CSMD1: variants seen among roughly 807,000 people sequenced by gnomAD.
CSMD1 encodes CUB and Sushi multiple domains 1, also known as CUB and sushi domain-containing protein 1.
CSMD1 carries 213 observed loss-of-function variants against 417.5 expected under a neutral mutation model. The ratio of observed to expected loss-of-function variants is 0.51; its 90% CI spans 0.46 to 0.57. The LOEUF is 0.57. Among genes scored for constraint, CSMD1 ranks in the 20% least tolerant of loss-of-function variants. The pLI is 0.00. For missense variants in CSMD1, 6,923 were observed against 4,529.7 expected, an observed-to-expected ratio of 1.53 and a Z score of -15.17; for synonymous variants, 2,862 against 1,736.8, an observed-to-expected ratio of 1.65 and a Z score of -16.11.
chr8:4,651,098 A>G (rs766268763), intron 1 of CSMD1, among the ~76,000 whole-genome samples: 1 of 152,200 alleles, frequency 6.6e-6, no homozygotes, highest in Non-Finnish European at 1.5e-5. Context: ...ATATAACATG[A>G]TGCCAAGCGA....
chr8:2,979,832 A>T (rs1805256276), intron 54 of CSMD1, among the ~76,000 whole-genome samples: 1 of 152,262 alleles, frequency 6.6e-6, no homozygotes, highest in Non-Finnish European at 1.5e-5. Context: ...CAAAAAAGCC[A>T]AAACAAACAA....
intron 1 of CSMD1, among the ~76,000 whole-genome samples, chr8:4,968,826 C>A (rs1425333493): frequency 6.6e-6 from 1 of 152,050 alleles, no homozygotes; most frequent in Non-Finnish European, 1.5e-5. Flanking sequence ...TGCCATTTCC[C>A]AACCAGAAGA....
intron 10 of CSMD1, among the ~76,000 whole-genome samples, chr8:3,534,332 G>C (rs1421221113): frequency 2.6e-5 from 4 of 151,982 alleles, no homozygotes; most frequent in African/African-American, 9.7e-5. Flanking sequence ...TTGGAGACCT[G>C]TTTTCCACAC....
At chr8:4,649,412 C>T (rs916011810) in intron 1 of CSMD1, among the ~76,000 whole-genome samples, 4 of 152,130 alleles carry the variant, frequency 2.6e-5, no homozygotes, top group African/African-American at 7.2e-5. Context: ...ATTATCATTC[C>T]TATTTTACTG....
chr8:4,761,284 A>G (rs1005088910), intron 1 of CSMD1, among the ~76,000 whole-genome samples: 6 of 152,116 alleles, frequency 3.9e-5, no homozygotes, highest in Admixed American at 3.9e-4. Flanking sequence ...GGTCAGTGTA[A>G]AATGCACAAG....
intron 2 of CSMD1, among the ~76,000 whole-genome samples, chr8:4,609,708 G>A (rs1801065552): frequency 6.6e-6 from 1 of 152,066 alleles, no homozygotes; most frequent in South Asian, 2.1e-4. Context: ...CAATTTTAGA[G>A]CAATTTAAAC....
chr8:3,714,491 G>A (rs1801710996), intron 6 of CSMD1, among the ~76,000 whole-genome samples: 1 of 141,402 alleles, frequency 7.1e-6, no homozygotes, highest in African/African-American at 2.6e-5. Context: ...GGGAGGCTGA[G>A]ACAGGGGATC....
chr8:4,531,666 T>C (rs1796824566), intron 2 of CSMD1, among the ~76,000 whole-genome samples: 1 of 152,172 alleles, frequency 6.6e-6, no homozygotes, highest in African/African-American at 2.4e-5. Context: ...TGTGCTTATC[T>C]AGTTTGTCAG....
chr8:3,978,120 G>C (rs527326141), intron 5 of CSMD1, among the ~76,000 whole-genome samples: 1 of 152,120 alleles, frequency 6.6e-6, no homozygotes, highest in Non-Finnish European at 1.5e-5. Flanking sequence ...ATAACAAAAC[G>C]AAAAGCAAGC....
intron 1 of CSMD1, among the ~76,000 whole-genome samples, chr8:4,817,060 A>G (rs1585149469): frequency 6.6e-6 from 1 of 152,304 alleles, no homozygotes; most frequent in East Asian, 1.9e-4. Flanking sequence ...GACATATATG[A>G]AGAACTAGAC....
At chr8:4,108,984 T>C (rs1161210369) in intron 3 of CSMD1, among the ~76,000 whole-genome samples, 2 of 152,334 alleles carry the variant, frequency 1.3e-5, no homozygotes, top group Non-Finnish European at 2.9e-5. Context: ...TTTTTCCGAA[T>C]TATCTGGAAA....
intron 7 of CSMD1, among the ~76,000 whole-genome samples, chr8:3,653,727 G>C (rs971102804): frequency 4.6e-5 from 7 of 152,188 alleles, no homozygotes; most frequent in Non-Finnish European, 1.0e-4. Context: ...GGACTCTAGT[G>C]AAGGACCGGC....
chr8:3,609,685 G>A (rs144312939), intron 8 of CSMD1, among the ~76,000 whole-genome samples: 10 of 149,480 alleles, frequency 6.7e-5, no homozygotes, highest in African/African-American at 2.2e-4. Context: ...TCTTGGCCTT[G>A]TTGGTTGTTA....
chr8:3,573,801 G>C (rs1271110131), intron 10 of CSMD1, among the ~76,000 whole-genome samples: 1 of 151,288 alleles, frequency 6.6e-6, no homozygotes, highest in Non-Finnish European at 1.5e-5. Context: ...GTGGGGTTCA[G>C]TAAATTTAAT....
At chr8:3,739,977 C>T (rs978077776) in intron 6 of CSMD1, among the ~76,000 whole-genome samples, 3 of 152,134 alleles carry the variant, frequency 2.0e-5, no homozygotes, top group Middle Eastern at 3.4e-3. Flanking sequence ...CTTCATGATC[C>T]CTATCATTAA....
chr8:4,924,662 C>T (rs1432848492), intron 1 of CSMD1, among the ~76,000 whole-genome samples: 1 of 122,648 alleles, frequency 8.2e-6, no homozygotes, highest in Admixed American at 1.2e-4. Context: ...GTGGAGGTTG[C>T]AGTGAGCCGA....
At chr8:4,962,208 G>GA (rs1809543717) in intron 1 of CSMD1, among the ~76,000 whole-genome samples, 8 of 132,314 alleles carry the variant, frequency 6.0e-5, no homozygotes, top group African/African-American at 2.3e-4. Flanking sequence ...AAAAAAAAAA[G>GA]AAAAAAACAA....
intron 50 of CSMD1, among the ~76,000 whole-genome samples, chr8:3,039,436 C>A (rs1018477250): frequency 5.4e-5 from 8 of 148,248 alleles, no homozygotes; most frequent in Admixed American, 2.7e-4. Context: ...TTCCTTCCTC[C>A]CTCCTTTCTT....
chr8:4,981,327 G>C (rs900552131), intron 1 of CSMD1, among the ~76,000 whole-genome samples: 8 of 152,192 alleles, frequency 5.3e-5, no homozygotes, highest in Non-Finnish European at 1.0e-4. Flanking sequence ...TACTGGAGCA[G>C]GATGTATTAA....
Sources: allele counts gnomAD v4.1 joint callset (sites outside exome capture counted in the v4.1 genomes callset), GRCh38; gene constraint gnomAD v4.1.1; transcripts MANE v1.5; gene names NCBI Gene and HGNC (gene_info 2026-07-23, HGNC 2026-07-21).